The following RNASET2 variants were observed in gnomAD, a reference collection of about 807,000 sequenced individuals.
RNASET2 encodes ribonuclease 6.
RNASET2 carries 28 observed loss-of-function variants against 33.9 expected under a neutral mutation model. The ratio of observed to expected loss-of-function variants is 0.83; its 90% CI spans 0.61 to 1.13. The LOEUF (loss-of-function observed/expected upper bound fraction) is 1.13. Among genes scored for constraint, RNASET2 ranks in the 50% most tolerant of loss-of-function variants. The pLI, the probability that RNASET2 is intolerant of heterozygous loss-of-function variation, is 0.00. For synonymous variants in RNASET2, 123 were observed against 121.0 expected, an observed-to-expected ratio of 1.02 and a Z score of -0.11; for missense variants, 330 against 319.9, an observed-to-expected ratio of 1.03 and a Z score of -0.24.
At chr6:166,953,879 C>CAAAAAAAAA (rs548523987) in intron 1 of RNASET2, among the ~76,000 whole-genome samples, 16 of 110,726 alleles carry the variant, frequency 1.4e-4, no homozygotes, top group African/African-American at 4.9e-4. Context: ...GACCCTGTCT[C>CAAAAAAAAA]AAAAAAAAAA....
At chr6:166,955,949 C>T in intron 1 of RNASET2, 148 bp downstream of exon 1, 1 of 1,078,130 alleles carries the variant, frequency 9.3e-7, no homozygotes. Flanking sequence ...CCAGGGGTCA[C>T]CCCGGAGCGT....
In RNASET2 at chr6:166,929,492, A is replaced by G; in HGVS notation, c.*96T>C. On this transcript the variant is annotated 3_prime_UTR_variant, in exon 9 of 9. Coordinates refer to ENST00000508775, the MANE Select transcript of RNASET2 (RefSeq NM_003730.6). ...TCACAGGCATGGAGGGGAAACAGCA[A>G]AATAAACAGACTTCACTTTGGAGTT... is the stretch of plus-strand genomic sequence containing the variant. 4.5e-6 allele frequency: 6 copies of G among 1,327,894 alleles called. No homozygotes were observed. In the South Asian group the frequency reaches 7.1e-5, roughly 16 times the overall value. 82.3% of individuals were successfully genotyped at this position (1,327,894 alleles called of 1,614,324 possible). A position where few individuals can be genotyped will look rare whatever the true frequency, so the allele number is the denominator to read the frequency against.
chr6:166,955,891 C>A (rs1433913223), intron 1 of RNASET2: 9 of 666,496 alleles, frequency 1.4e-5, no homozygotes, highest in Non-Finnish European at 1.7e-5. Flanking sequence ...CCCCAACCCA[C>A]TCCCTCCAGG....
intron 4 of RNASET2, 183 bp from the exon 5 acceptor site, chr6:166,943,272 A>G (rs1217049265): frequency 5.7e-6 from 3 of 528,018 alleles, no homozygotes; most frequent in Non-Finnish European, 1.0e-5. Context: ...CTACAAGTGC[A>G]ATTTGAGTAA....
Position 166,946,664 on chromosome 6 carries a change from A to G in RNASET2, c.261+18T>C. On this transcript the variant is annotated intron_variant, in intron 4 of 8. Transcript: ENST00000508775. ...TAGGTCAACACTCTGCAGTAGAAATATAATTAAAAGTCAATACCTTAATCT... is the reference window on the plus strand; with the variant it reads ...TAGGTCAACACTCTGCAGTAGAAATGTAATTAAAAGTCAATACCTTAATCT... 1 of 1,363,066 alleles carries G rather than the reference A, an allele frequency of 7.3e-7. No homozygotes were observed. Among genetic ancestry groups the G allele is most frequent in the South Asian group, 1.2e-5 (1 of 82,364 alleles). 84.4% of individuals were successfully genotyped at this position (1,363,066 alleles called of 1,614,324 possible).
At chr6:166,955,996 G>C (rs1222717296) in intron 1 of RNASET2, 101 bp downstream of exon 1, 1 of 1,262,514 alleles carries the variant, frequency 7.9e-7, no homozygotes, top group Non-Finnish European at 1.1e-6. Context: ...CGCTGCCCGG[G>C]GCTCAGCGAC....
rs530487504 is a variant in RNASET2, at chr6:166,928,971, G to A, written c.*617C>T. Reference sequence around the variant, plus strand: ...GTAACCTGGAAGAGACTGCTCTGACGGAGACAGGAGATGGCTGCTCTGTGA... The same window carrying A: ...GTAACCTGGAAGAGACTGCTCTGACAGAGACAGGAGATGGCTGCTCTGTGA... On this transcript the variant is annotated 3_prime_UTR_variant, in exon 9 of 9. Coordinates refer to ENST00000508775, the MANE Select transcript of RNASET2 (RefSeq NM_003730.6). Among the ~76,000 whole-genome samples the A allele has an allele frequency of 3.3e-5, 5 of 152,366 alleles. No individual in the cohort carries two copies. The highest frequency in any genetic ancestry group is 7.2e-5 in the African/African-American group (3 of 41,590).
Position 166,928,131 on chromosome 6 carries a change from G to A in RNASET2, c.*1457C>T, listed in dbSNP as rs543769056. On this transcript the variant is annotated 3_prime_UTR_variant, in exon 9 of 9. Transcript: ENST00000508775. ...CATCTCACTCTGTCTGTCTGCAGAA[G>A]CTGTCAGGCCTGGCTGGGTGCTGCC... Among the ~76,000 whole-genome samples the A allele has an allele frequency of 7.6e-4, 116 of 152,364 alleles. No homozygotes were observed. Among genetic ancestry groups the A allele is most frequent in the African/African-American group, 2.3e-3 (96 of 41,584 alleles).
Position 166,933,866 on chromosome 6 carries a change from C to T in RNASET2, c.492+225G>A, listed in dbSNP as rs1164111905. On this transcript the variant is annotated intron_variant, in intron 7 of 8. Coordinates refer to ENST00000508775, the MANE Select transcript of RNASET2 (RefSeq NM_003730.6). This position sits in a 1 kb window ranked among gnomAD's most constrained non-coding sequence, Gnocchi z 4.1. ...GAGCACACACTTCTCACAAAGGGAG[C>T]CATGAAATCTGTGCTTCCAAATCAC... 1.9e-5 allele frequency: 11 copies of T among 588,006 alleles called. No homozygotes were observed. The highest frequency in any genetic ancestry group is 3.0e-5 in the Admixed American group (1 of 33,762). 36.4% of individuals were successfully genotyped at this position (588,006 alleles called of 1,614,324 possible).
At chr6:166,950,128 T>A (rs904093763) in intron 2 of RNASET2, among the ~76,000 whole-genome samples, 8 of 152,210 alleles carry the variant, frequency 5.3e-5, no homozygotes, top group Admixed American at 2.6e-4. Flanking sequence ...CCTCCCTGAA[T>A]GCAGAGCAGC....
rs759146444 is a variant in RNASET2 at position 166,926,612 on chromosome 6, C to A, written c.*2976G>T. On this transcript the variant is annotated 3_prime_UTR_variant, in exon 9 of 9. Transcript: ENST00000508775. ...CAATTGCTACTGTTAGTTATTCAAG[C>A]GCATAATGATCTCCCACTACTAGCT... is the stretch of plus-strand genomic sequence containing the variant. 1.3e-5 allele frequency among the ~76,000 whole-genome samples: 2 copies of A among 151,858 alleles called. No individual in the cohort carries two copies. The highest frequency in any genetic ancestry group is 2.9e-5 in the Non-Finnish European group (2 of 67,950).
intron 7 of RNASET2, chr6:166,931,859 G>A (rs1485253910): frequency 6.5e-6 from 1 of 153,866 alleles, no homozygotes; most frequent in Non-Finnish European, 1.4e-5. Context: ...CTCTCCTGTG[G>A]GCCTCCTGAG....
intron 1 of RNASET2, chr6:166,955,584 C>A: frequency 1.0e-6 from 1 of 992,318 alleles, no homozygotes. Flanking sequence ...CAGTGCTCCA[C>A]CAAGCCTGCC....
chr6:166,939,289 T>C (rs2128645278), intron 5 of RNASET2, among the ~76,000 whole-genome samples: 1 of 152,238 alleles, frequency 6.6e-6, no homozygotes, highest in East Asian at 1.9e-4. Context: ...GCCAAGATCA[T>C]GCCATTGCAC....
intron 6 of RNASET2, among the ~76,000 whole-genome samples, chr6:166,936,692 C>G (rs1778578040): frequency 6.6e-6 from 1 of 152,214 alleles, no homozygotes; most frequent in African/African-American, 2.4e-5. Context: ...ATGAGGGATC[C>G]TTCCCCGCAG....
chr6:166,955,175 CCACACACACA>C (rs144459587), intron 1 of RNASET2, among the ~76,000 whole-genome samples: 6 of 131,026 alleles, frequency 4.6e-5, no homozygotes, highest in Non-Finnish European at 7.8e-5. Flanking sequence ...TGGGCGGCTG[CCACACACACA>C]CACGCACACA....
intron 6 of RNASET2, among the ~76,000 whole-genome samples, chr6:166,935,917 C>A (rs560367844): frequency 6.6e-6 from 1 of 152,210 alleles, no homozygotes; most frequent in Non-Finnish European, 1.5e-5. Flanking sequence ...TCATGATCCA[C>A]CCGCCTTGGC....
Position 166,926,249 on chromosome 6 carries a change from A to G in RNASET2, c.*3339T>C, listed in dbSNP as rs1231355859. Among the ~76,000 whole-genome samples the G allele has an allele frequency of 6.6e-6, 1 of 151,802 alleles. No individual in the cohort carries two copies. Among genetic ancestry groups the G allele is most frequent in the Non-Finnish European group, 1.5e-5 (1 of 67,954 alleles). ...GCAAAAGTTTCGGTGGAAAGATAAG[A>G]TACCTGGGCCAGGCGCGGTGGCTCA... On this transcript the variant is annotated 3_prime_UTR_variant, in exon 9 of 9. Transcript: ENST00000508775.
At position 166,929,445 on chromosome 6, in the gene RNASET2, T is replaced by C; in HGVS notation, c.*143A>G. 1.1e-6 allele frequency: 1 copy of C among 889,270 alleles called. No individual in the cohort carries two copies. Among genetic ancestry groups the C allele is most frequent in the South Asian group, 1.4e-5 (1 of 69,456 alleles). 55.1% of individuals were successfully genotyped at this position (889,270 alleles called of 1,614,324 possible). A position where few individuals can be genotyped will look rare whatever the true frequency, so the allele number is the denominator to read the frequency against. On this transcript the variant is annotated 3_prime_UTR_variant, in exon 9 of 9. Coordinates refer to ENST00000508775, the MANE Select transcript of RNASET2 (RefSeq NM_003730.6). ...CCGTGTACGCCACATGCACTCACTC[T>C]ACAGGGACCACAACATCCAATTCAC...
Sources: gnomAD v4.1 joint callset for allele counts (sites outside exome capture counted in the v4.1 genomes callset) on GRCh38, gnomAD v4.1.1 for gene constraint, Gnocchi (gnomAD v3.1) non-coding constraint, MANE v1.5 for transcripts, NCBI Gene and HGNC (gene_info 2026-07-23, HGNC 2026-07-21) for gene names.